Variants in LANCL2 observed in about 807,000 individuals in gnomAD.
The protein encoded by LANCL2 is lanC-like protein 2.
Under a neutral mutation model 56.9 loss-of-function variants are expected in LANCL2, and 33 were observed. The ratio of observed to expected loss-of-function variants is 0.58; its 90% CI spans 0.44 to 0.78. The LOEUF (loss-of-function observed/expected upper bound fraction) is 0.78. LANCL2 is among the 30% of genes least tolerant of loss of function. The pLI, the probability that LANCL2 is intolerant of heterozygous loss-of-function variation, is 0.00. For missense variants in LANCL2, 562 were observed against 580.2 expected, an observed-to-expected ratio of 0.97 and a Z score of 0.32; for synonymous variants, 233 against 228.2, an observed-to-expected ratio of 1.02 and a Z score of -0.19.
rs1364467847 is a variant in LANCL2 at position 55,431,425 on chromosome 7, C to T, written c.*105C>T. On this transcript the variant is annotated 3_prime_UTR_variant, in exon 9 of 9. Coordinates refer to ENST00000254770, the MANE Select transcript of LANCL2 (RefSeq NM_018697.4). ...GGAATCCTGAAAGAGAAGCAGACAC[C>T]GTCACAGGCCCCTCTGGTTAGACTA... 15 of 726,306 alleles carry T rather than the reference C, an allele frequency of 2.1e-5. No homozygotes were observed. The highest frequency in any genetic ancestry group is 5.6e-5 in the South Asian group (3 of 53,102). 45.0% of individuals were successfully genotyped at this position (726,306 alleles called of 1,614,324 possible).
intron 1 of LANCL2, among the ~76,000 whole-genome samples, chr7:55,374,127 T>C (rs1789975153): frequency 6.6e-6 from 1 of 152,232 alleles, no homozygotes; most frequent in Non-Finnish European, 1.5e-5. Flanking sequence ...TAATTACATA[T>C]GTTTTGAGCC....
At chr7:55,394,551 C>A (rs1397349477) in intron 2 of LANCL2, among the ~76,000 whole-genome samples, 2 of 152,170 alleles carry the variant, frequency 1.3e-5, no homozygotes, top group South Asian at 2.1e-4. Flanking sequence ...CAGAGTGAGA[C>A]CCTGTCTCAA....
At chr7:55,392,388 T>C (rs998852505) in intron 2 of LANCL2, among the ~76,000 whole-genome samples, 2 of 151,488 alleles carry the variant, frequency 1.3e-5, no homozygotes, top group African/African-American at 4.9e-5. Flanking sequence ...ACAGTGTCTG[T>C]TGCCTGGGCT....
intron 1 of LANCL2, among the ~76,000 whole-genome samples, chr7:55,382,187 A>G (rs1235570810): frequency 6.6e-6 from 1 of 152,238 alleles, no homozygotes; most frequent in East Asian, 1.9e-4. Flanking sequence ...AGATAGTGAA[A>G]CTAGTATGCA....
At chr7:55,386,717 A>G (rs1368623558) in intron 1 of LANCL2, among the ~76,000 whole-genome samples, 5 of 152,344 alleles carry the variant, frequency 3.3e-5, no homozygotes, top group Admixed American at 2.0e-4. Context: ...TGACAGAGCA[A>G]CAGTGACAGA....
At chr7:55,424,161 A>T (rs915640738) in intron 6 of LANCL2, among the ~76,000 whole-genome samples, 1 of 152,216 alleles carries the variant, frequency 6.6e-6, no homozygotes, top group South Asian at 2.1e-4. Context: ...GCAGGTAGGG[A>T]TAACTAAGAA....
At chr7:55,411,764 T>G (rs1302718410) in intron 5 of LANCL2, 143 bp from the exon 6 acceptor site, 2 of 836,132 alleles carry the variant, frequency 2.4e-6, no homozygotes, top group Non-Finnish European at 1.8e-6. Flanking sequence ...GCCTAAGTCT[T>G]AAATAACCAG....
At chr7:55,369,935 T>G (rs79229956) in intron 1 of LANCL2, among the ~76,000 whole-genome samples, 1 of 152,238 alleles carries the variant, frequency 6.6e-6, no homozygotes, top group African/African-American at 2.4e-5. Context: ...TGATTAGCTC[T>G]GTTGCTGTGT....
chr7:55,376,595 C>G (rs1562856714), intron 1 of LANCL2, among the ~76,000 whole-genome samples: 1 of 152,240 alleles, frequency 6.6e-6, no homozygotes, highest in African/African-American at 2.4e-5. Context: ...ACTTGCCTGC[C>G]TCTGTGAGTG....
At chr7:55,385,577 G>A (rs921792813) in intron 1 of LANCL2, among the ~76,000 whole-genome samples, 1 of 152,186 alleles carries the variant, frequency 6.6e-6, no homozygotes, top group South Asian at 2.1e-4. Context: ...CAAAAGGGGA[G>A]GGGGTATACG....
intron 1 of LANCL2, among the ~76,000 whole-genome samples, chr7:55,381,584 C>T (rs1301120277): frequency 6.6e-6 from 1 of 152,208 alleles, no homozygotes; most frequent in East Asian, 1.9e-4. Flanking sequence ...GGCAAAGTTA[C>T]CTGCTATCTG....
chr7:55,423,359 C>G (rs1790629493), intron 6 of LANCL2, among the ~76,000 whole-genome samples: 1 of 152,224 alleles, frequency 6.6e-6, no homozygotes, highest in Admixed American at 6.5e-5. Flanking sequence ...TTCAGTTTCC[C>G]TGTGGACCAT....
chr7:55,391,568 G>GT (rs1790191308), intron 1 of LANCL2, among the ~76,000 whole-genome samples: 4 of 148,652 alleles, frequency 2.7e-5, no homozygotes, highest in South Asian at 4.3e-4. Context: ...GTTGTTTGTT[G>GT]TTTTTTGTGA....
intron 1 of LANCL2, among the ~76,000 whole-genome samples, chr7:55,382,749 A>C (rs4601270): frequency 6.6e-6 from 1 of 151,848 alleles, no homozygotes; most frequent in Non-Finnish European, 1.5e-5. Context: ...AATATATCTC[A>C]AGCACCATTC....
At chr7:55,404,773 C>G (rs1790386297) in intron 5 of LANCL2, among the ~76,000 whole-genome samples, 1 of 152,096 alleles carries the variant, frequency 6.6e-6, no homozygotes, top group Admixed American at 6.5e-5. Flanking sequence ...ACCGCCACAC[C>G]TGGCTAATTT....
intron 1 of LANCL2, among the ~76,000 whole-genome samples, chr7:55,388,923 GA>G (rs1335498416): frequency 4.6e-5 from 7 of 152,156 alleles, no homozygotes; most frequent in African/African-American, 1.7e-4. Flanking sequence ...TGAGTGGCCT[GA>G]CCCTCTCCAC....
intron 8 of LANCL2, among the ~76,000 whole-genome samples, chr7:55,428,795 ATTAC>A (rs1199255953): frequency 6.6e-6 from 1 of 152,104 alleles, no homozygotes; most frequent in African/African-American, 2.4e-5. Context: ...AGCTTGAATA[ATTAC>A]TTAAATATAT....
intron 1 of LANCL2, among the ~76,000 whole-genome samples, chr7:55,390,228 AGAG>A (rs1364856277): frequency 9.0e-5 from 7 of 77,350 alleles, no homozygotes; most frequent in Admixed American, 2.0e-4. Context: ...GAAAGCAAAA[AGAG>A]AGAGAGAGTT....
intron 6 of LANCL2, among the ~76,000 whole-genome samples, chr7:55,416,409 C>G (rs1403312783): frequency 6.6e-6 from 1 of 152,152 alleles, no homozygotes; most frequent in Non-Finnish European, 1.5e-5. Context: ...CTTCAACCTT[C>G]CAAGTAGCTG....
Sources: allele counts gnomAD v4.1 joint callset (sites outside exome capture counted in the v4.1 genomes callset), GRCh38; gene constraint gnomAD v4.1.1; transcripts MANE v1.5; gene names NCBI Gene and HGNC (gene_info 2026-07-23, HGNC 2026-07-21).